Variants in MYCBP2 observed in about 807,000 individuals in gnomAD.
MYCBP2 encodes the protein E3 ubiquitin-protein ligase MYCBP2.
Under a neutral mutation model 525.3 loss-of-function variants are expected in MYCBP2, and 120 were observed. The observed-to-expected ratio is 0.23, with a 90% confidence interval of 0.20 to 0.27. The LOEUF (loss-of-function observed/expected upper bound fraction) is 0.27, where lower values mean the gene tolerates loss of function less well. MYCBP2 is among the 10% of genes least tolerant of loss of function. The probability of loss-of-function intolerance (pLI) is 1.00; values close to 1 mark genes in which losing one functional copy is unlikely to be tolerated. For synonymous variants in MYCBP2, 1,894 were observed against 1,955.8 expected (o/e 0.97, Z 0.83); for missense variants, 4,149 against 5,657.1 (o/e 0.73, Z 8.55).
intron 61 of MYCBP2, 111 bp from the exon 62 acceptor site, chr13:77,087,744 T>C (rs2044593321): frequency 1.5e-5 from 14 of 933,318 alleles, no homozygotes; most frequent in Non-Finnish European, 2.2e-5. Context: ...TACTAGAAAA[T>C]CTTTTTTAAT....
chr13:77,119,418 A>C (rs1276148498), intron 55 of MYCBP2, among the ~76,000 whole-genome samples: 1 of 152,130 alleles, frequency 6.6e-6, no homozygotes, highest in Non-Finnish European at 1.5e-5. Context: ...CCTACACGGG[A>C]TAGATTTATG....
chr13:77,275,010 A>C (rs2075359719), intron 4 of MYCBP2, among the ~76,000 whole-genome samples: 3 of 151,408 alleles, frequency 2.0e-5, no homozygotes, highest in Admixed American at 2.0e-4. Flanking sequence ...ATTTCCATCT[A>C]CCCATCCTTC....
At chr13:77,212,767 G>A (rs1388532695) in intron 21 of MYCBP2, among the ~76,000 whole-genome samples, 1 of 152,170 alleles carries the variant, frequency 6.6e-6, no homozygotes, top group Non-Finnish European at 1.5e-5. Context: ...CAGTTTAAAA[G>A]TATGGCTCTC....
At chr13:77,151,874 C>T (rs949394225) in intron 46 of MYCBP2, among the ~76,000 whole-genome samples, 2 of 151,988 alleles carry the variant, frequency 1.3e-5, no homozygotes, top group African/African-American at 4.8e-5. Flanking sequence ...AACACTTGAC[C>T]CCTAGGCAAC....
chr13:77,061,117 T>C (rs919381041), intron 76 of MYCBP2, 52 bp downstream of exon 76: 27 of 1,552,382 alleles, frequency 1.7e-5, no homozygotes, highest in Non-Finnish European at 2.3e-5. Flanking sequence ...TGGCACGGTT[T>C]AATCTTTTTT....
intron 55 of MYCBP2, among the ~76,000 whole-genome samples, chr13:77,116,687 A>G (rs1450800146): frequency 6.6e-6 from 1 of 152,058 alleles, no homozygotes; most frequent in African/African-American, 2.4e-5. Context: ...AATTTGCTTC[A>G]AGATAGTGGT....
intron 62 of MYCBP2, among the ~76,000 whole-genome samples, chr13:77,085,166 T>C (rs991434139): frequency 6.6e-6 from 1 of 152,158 alleles, no homozygotes; most frequent in Non-Finnish European, 1.5e-5. Flanking sequence ...TGCCATTCCA[T>C]TTAAAATATT....
chr13:77,218,685 T>C (rs2154290308), intron 20 of MYCBP2, among the ~76,000 whole-genome samples: 1 of 152,338 alleles, frequency 6.6e-6, no homozygotes, highest in South Asian at 2.1e-4. Context: ...GATCAGCGTC[T>C]GGCACACAGT....
rs772888925 is a variant in MYCBP2 at position 77,217,961 on chromosome 13, G to C, written c.2940-4C>G. 8 of 1,523,822 alleles carry C rather than the reference G, an allele frequency of 5.2e-6. No homozygotes were observed. The South Asian group carries it at 8.8e-5, about 17-fold the overall frequency. 94.4% of individuals were successfully genotyped at this position (1,523,822 alleles called of 1,614,324 possible). A position where few individuals can be genotyped will look rare whatever the true frequency, so the allele number is the denominator to read the frequency against. On this transcript the variant is annotated splice_polypyrimidine_tract_variant and splice_region_variant and intron_variant, in intron 20 of 82. Transcript: ENST00000544440. ...TTGAACAAGAGTGGGACATCCCCTA[G>C]GTTAAAAAAAAAAAAAGTAAGTCAA... is the stretch of plus-strand genomic sequence containing the variant.
At chr13:77,249,318 T>C (rs773630768) in intron 15 of MYCBP2, among the ~76,000 whole-genome samples, 1 of 152,220 alleles carries the variant, frequency 6.6e-6, no homozygotes, top group Non-Finnish European at 1.5e-5. Flanking sequence ...TTTATAATAA[T>C]TGAAGTCAGC....
intron 17 of MYCBP2, among the ~76,000 whole-genome samples, chr13:77,241,824 C>A (rs1304016979): frequency 1.3e-5 from 2 of 151,814 alleles, no homozygotes; most frequent in African/African-American, 4.8e-5. Context: ...ACTACTTATT[C>A]CATATATTAA....
intron 57 of MYCBP2, among the ~76,000 whole-genome samples, chr13:77,096,051 TAA>T (rs1301975269): frequency 6.6e-6 from 1 of 151,816 alleles, no homozygotes; most frequent in African/African-American, 2.4e-5. Flanking sequence ...CAATTAATAA[TAA>T]AGAGTTACAC....
At chr13:77,223,989 A>G (rs1289598184) in intron 20 of MYCBP2, among the ~76,000 whole-genome samples, 1 of 152,226 alleles carries the variant, frequency 6.6e-6, no homozygotes, top group Non-Finnish European at 1.5e-5. Flanking sequence ...CAAAAGAGTT[A>G]ATCAGAGAGA....
chr13:77,118,278 T>G, intron 55 of MYCBP2: 1 of 662,298 alleles, frequency 1.5e-6, no homozygotes, highest in Non-Finnish European at 2.7e-6. Context: ...TAGTAACTGA[T>G]AAGCAACTCA....
intron 70 of MYCBP2, 129 bp downstream of exon 70, chr13:77,068,434 CAA>C: frequency 9.1e-7 from 1 of 1,101,482 alleles, no homozygotes; most frequent in South Asian, 1.7e-5. Context: ...ATACAGGCCC[CAA>C]ACAAAATATA....
chr13:77,325,661 T>A (rs932512894), intron 1 of MYCBP2, among the ~76,000 whole-genome samples: 1 of 152,154 alleles, frequency 6.6e-6, no homozygotes, highest in Non-Finnish European at 1.5e-5. Context: ...TCTGCAGTTT[T>A]CCCCTTTTCC....
At chr13:77,150,486 C>T (rs1020967321) in intron 47 of MYCBP2, among the ~76,000 whole-genome samples, 1 of 152,090 alleles carries the variant, frequency 6.6e-6, no homozygotes, top group African/African-American at 2.4e-5. Flanking sequence ...TCAGCCTAAT[C>T]CATCTGTATC....
At chr13:77,127,730 C>A (rs1454961529) in intron 52 of MYCBP2, among the ~76,000 whole-genome samples, 1 of 151,812 alleles carries the variant, frequency 6.6e-6, no homozygotes, top group African/African-American at 2.4e-5. Flanking sequence ...CATGTTCATA[C>A]ACACAGTAAC....
intron 18 of MYCBP2, among the ~76,000 whole-genome samples, chr13:77,232,826 T>C (rs2067314043): frequency 6.6e-6 from 1 of 152,180 alleles, no homozygotes; most frequent in East Asian, 1.9e-4. Flanking sequence ...ATCACAGTCA[T>C]TAAAGAGCAA....
Sources: gnomAD v4.1 joint callset for allele counts (sites outside exome capture counted in the v4.1 genomes callset) on GRCh38, gnomAD v4.1.1 for gene constraint, MANE v1.5 for transcripts, NCBI Gene and HGNC (gene_info 2026-07-23, HGNC 2026-07-21) for gene names.